Variants in APBB2 observed in about 807,000 individuals in gnomAD.
The protein encoded by APBB2 is Fe65-like 1.
In APBB2, 38 loss-of-function variants were observed where a neutral mutation model predicts 82.5. That is an observed-to-expected ratio of 0.46 (90% CI 0.36 to 0.60). The LOEUF is 0.60. Ranked by LOEUF, APBB2 falls within the 20% of genes least tolerant of loss-of-function variation. The probability of loss-of-function intolerance (pLI) is 0.00; values close to 1 mark genes in which losing one functional copy is unlikely to be tolerated. For missense variants in APBB2, 772 were observed against 972.3 expected (o/e 0.79, Z 2.74); for synonymous variants, 341 against 368.2 (o/e 0.93, Z 0.85).
chr4:40,830,285 C>T (rs183033244), intron 13 of APBB2, among the ~76,000 whole-genome samples, 178 bp downstream of exon 13: 1 of 152,158 alleles, frequency 6.6e-6, no homozygotes, highest in East Asian at 1.9e-4. Flanking sequence ...TGGAGTGCTA[C>T]TCAAGAGCGA....
chr4:41,158,641 C>G (rs1764066342), intron 1 of APBB2, among the ~76,000 whole-genome samples: 1 of 152,314 alleles, frequency 6.6e-6, no homozygotes, highest in African/African-American at 2.4e-5. Flanking sequence ...GGGAATAGTT[C>G]AAGGGTGTTG....
At chr4:40,867,901 C>T (rs1268018884) in intron 12 of APBB2, among the ~76,000 whole-genome samples, 1 of 149,454 alleles carries the variant, frequency 6.7e-6, no homozygotes, top group Admixed American at 6.7e-5. Context: ...AATTTATCTT[C>T]CTTTTGCAAA....
At chr4:41,211,021 G>C (rs753848696) in intron 1 of APBB2, among the ~76,000 whole-genome samples, 1 of 152,152 alleles carries the variant, frequency 6.6e-6, no homozygotes, top group Non-Finnish European at 1.5e-5. Context: ...TTGGGAGACC[G>C]AGACTGGTGG....
intron 6 of APBB2, among the ~76,000 whole-genome samples, chr4:40,947,260 G>C (rs572455872): frequency 6.6e-6 from 1 of 152,280 alleles, no homozygotes; most frequent in East Asian, 1.9e-4. Context: ...CATTCTAGTG[G>C]CTCACAGACA....
At chr4:40,880,247 C>T in intron 12 of APBB2, 1 of 985,434 alleles carries the variant, frequency 1.0e-6, no homozygotes, top group Non-Finnish European at 1.2e-6. Context: ...CTCTCAAAAA[C>T]TCGACACAAT....
intron 6 of APBB2, among the ~76,000 whole-genome samples, chr4:40,975,753 A>AACACACACACAC (rs368424451): frequency 0.064 from 9,087 of 141,934 alleles, 311 homozygotes; most frequent in Middle Eastern, 0.11. Context: ...GTAGTAAGAA[A>AACACACACACAC]ACACACACAC....
intron 4 of APBB2, among the ~76,000 whole-genome samples, chr4:41,033,589 C>CACACACACAT (rs1203733493): frequency 3.8e-5 from 3 of 79,516 alleles, no homozygotes; most frequent in Admixed American, 2.8e-4. Context: ...TCTCATCACA[C>CACACACACAT]ACACACACAC....
At chr4:41,062,318 G>T (rs775775988) in intron 4 of APBB2, among the ~76,000 whole-genome samples, 2 of 150,462 alleles carry the variant, frequency 1.3e-5, no homozygotes, top group African/African-American at 4.9e-5. Flanking sequence ...CATTACAGGC[G>T]CCCTCAAACA....
intron 2 of APBB2, among the ~76,000 whole-genome samples, chr4:41,131,436 A>C (rs2154006478): frequency 6.6e-6 from 1 of 152,332 alleles, no homozygotes; most frequent in Non-Finnish European, 1.5e-5. Flanking sequence ...TTTCTATATT[A>C]TAAATATCAA....
At chr4:40,852,122 G>A (rs1054980889) in intron 12 of APBB2, among the ~76,000 whole-genome samples, 4 of 151,990 alleles carry the variant, frequency 2.6e-5, no homozygotes, top group African/African-American at 9.7e-5. Flanking sequence ...CACTAAGGCC[G>A]GTGGATCACT....
Position 40,811,747 on chromosome 4 carries a change from C to T in APBB2, c.*4345G>A, listed in dbSNP as rs1744459714. 6.6e-6 allele frequency: 1 copy of T among 152,128 alleles called. No homozygotes were observed. The highest frequency in any genetic ancestry group is 1.5e-5 in the Non-Finnish European group (1 of 68,022). 9.4% of individuals were successfully genotyped at this position (152,128 alleles called of 1,614,324 possible). ...TGAAATTATTTACCACCATATAATG[C>T]CTGAAACCATAATGAAATTTTGTTA... On this transcript the variant is annotated 3_prime_UTR_variant, in exon 18 of 18. Coordinates refer to ENST00000508593, the MANE Select transcript of APBB2 (RefSeq NM_004307.2).
At chr4:40,883,844 T>A (rs1408167282) in intron 12 of APBB2, among the ~76,000 whole-genome samples, 1 of 152,220 alleles carries the variant, frequency 6.6e-6, no homozygotes, top group African/African-American at 2.4e-5. Context: ...TGTGCTGAGT[T>A]CCCATATCTG....
chr4:40,979,394 C>G (rs1039766123), intron 6 of APBB2, among the ~76,000 whole-genome samples: 4 of 151,930 alleles, frequency 2.6e-5, no homozygotes, highest in Admixed American at 2.6e-4. Flanking sequence ...TAGAAATATC[C>G]TATTGTGATT....
At chr4:41,000,274 T>G (rs1579131980) in intron 6 of APBB2, among the ~76,000 whole-genome samples, 1 of 151,556 alleles carries the variant, frequency 6.6e-6, no homozygotes, top group African/African-American at 2.4e-5. Flanking sequence ...AATAAATAAA[T>G]AAATAAATAA....
At chr4:40,852,885 T>G (rs1309260415) in intron 12 of APBB2, among the ~76,000 whole-genome samples, 1 of 152,096 alleles carries the variant, frequency 6.6e-6, no homozygotes, top group African/African-American at 2.4e-5. Flanking sequence ...AAGTGATCCT[T>G]TGGGGACACT....
intron 2 of APBB2, among the ~76,000 whole-genome samples, chr4:41,129,914 G>A (rs1349518843): frequency 6.6e-6 from 1 of 152,038 alleles, no homozygotes; most frequent in Non-Finnish European, 1.5e-5. Context: ...AAGATCTACA[G>A]GGAAAAAAAT....
At chr4:40,949,595 C>G (rs1454205178) in intron 6 of APBB2, among the ~76,000 whole-genome samples, 1 of 151,854 alleles carries the variant, frequency 6.6e-6, no homozygotes, top group African/African-American at 2.4e-5. Flanking sequence ...ACCAACGAGA[C>G]GAGAGGGAGC....
At chr4:40,820,244 G>A (rs555362507) in intron 17 of APBB2, among the ~76,000 whole-genome samples, 1 of 152,308 alleles carries the variant, frequency 6.6e-6, no homozygotes, top group East Asian at 1.9e-4. Context: ...CTCTCCTAGC[G>A]TGGACGCTCC....
At chr4:41,065,940 T>C (rs1731628210) in intron 3 of APBB2, among the ~76,000 whole-genome samples, 1 of 152,034 alleles carries the variant, frequency 6.6e-6, no homozygotes, top group Non-Finnish European at 1.5e-5. Context: ...GGGCTGGCCT[T>C]CTCTGACCCC....
Sources: gnomAD v4.1 joint callset for allele counts (sites outside exome capture counted in the v4.1 genomes callset) on GRCh38, gnomAD v4.1.1 for gene constraint, MANE v1.5 for transcripts, NCBI Gene and HGNC (gene_info 2026-07-23, HGNC 2026-07-21) for gene names.